The following CSMD1 variants were observed in gnomAD, a reference collection of about 807,000 sequenced individuals.
CSMD1 encodes the protein CUB and sushi domain-containing protein 1.
CSMD1 carries 213 observed loss-of-function variants against 417.5 expected under a neutral mutation model. That is an observed-to-expected ratio of 0.51 (90% CI 0.46 to 0.57). The LOEUF (loss-of-function observed/expected upper bound fraction) is 0.57, where lower values mean the gene tolerates loss of function less well. Ranked by LOEUF, CSMD1 falls within the 20% of genes least tolerant of loss-of-function variation. The pLI is 0.00. For synonymous variants in CSMD1, 2,862 were observed against 1,736.8 expected, an observed-to-expected ratio of 1.65 and a Z score of -16.11; for missense variants, 6,923 against 4,529.7, an observed-to-expected ratio of 1.53 and a Z score of -15.17.
intron 10 of CSMD1, among the ~76,000 whole-genome samples, chr8:3,543,025 G>C (rs1204823735): frequency 1.3e-5 from 2 of 152,280 alleles, no homozygotes; most frequent in East Asian, 1.9e-4. Flanking sequence ...GGCACCTGCT[G>C]TTTGTGGGTG....
intron 1 of CSMD1, among the ~76,000 whole-genome samples, chr8:4,783,087 C>A (rs552965780): frequency 6.6e-6 from 1 of 152,228 alleles, no homozygotes; most frequent in South Asian, 2.1e-4. Flanking sequence ...ATTGTAAAAT[C>A]AATTCAGTCC....
chr8:4,430,408 A>G (rs990984213), intron 2 of CSMD1, among the ~76,000 whole-genome samples: 9 of 152,168 alleles, frequency 5.9e-5, no homozygotes, highest in Non-Finnish European at 4.4e-5. Flanking sequence ...CCTCATGGTT[A>G]TGACATAGTC....
intron 3 of CSMD1, among the ~76,000 whole-genome samples, chr8:4,186,438 C>T (rs1339067732): frequency 6.6e-6 from 1 of 151,732 alleles, no homozygotes; most frequent in Non-Finnish European, 1.5e-5. Flanking sequence ...TTTACAGAGC[C>T]CAGGTTTCCA....
At chr8:3,217,356 G>A (rs1047165436) in intron 29 of CSMD1, among the ~76,000 whole-genome samples, 1 of 152,204 alleles carries the variant, frequency 6.6e-6, no homozygotes, top group Admixed American at 6.5e-5. Flanking sequence ...CAAAAATTAA[G>A]GAAGTTCTTT....
intron 10 of CSMD1, among the ~76,000 whole-genome samples, chr8:3,525,934 C>T (rs987477948): frequency 3.3e-5 from 5 of 152,154 alleles, no homozygotes; most frequent in African/African-American, 1.2e-4. Flanking sequence ...GTATTACATG[C>T]ATTGTTCTTA....
rs746270725 is a variant in CSMD1, at chr8:3,052,595, G to A, written c.7527C>T (p.Asn2509=). 8.1e-6 allele frequency: 13 copies of A among 1,611,714 alleles called. No homozygotes were observed. Among genetic ancestry groups the A allele is most frequent in the Admixed American group, 6.7e-5 (4 of 59,786 alleles). Residue 2509 remains asparagine (N), a synonymous_variant, in exon 50 of 70, where the codon AAC becomes AAT. Transcript: ENST00000635120. ...ESPGNGSFTG[N]EFTLDSKVVY... ...CCACTTTACTGTCCAAAGTGAACTC[G>A]TTCCCGGTAAATGAACCGTTTCCTG...
At chr8:3,266,542 G>A (rs1315364009) in intron 26 of CSMD1, among the ~76,000 whole-genome samples, 1 of 143,266 alleles carries the variant, frequency 7.0e-6, no homozygotes, top group East Asian at 2.2e-4. Flanking sequence ...GGAGGCAGAG[G>A]TTGCAGTGAG....
intron 41 of CSMD1, among the ~76,000 whole-genome samples, chr8:3,121,074 A>C (rs1223607555): frequency 6.9e-6 from 1 of 144,638 alleles, no homozygotes; most frequent in Non-Finnish European, 1.5e-5. Context: ...TTTACACTAC[A>C]GAAATCCAAA....
intron 2 of CSMD1, among the ~76,000 whole-genome samples, chr8:4,420,692 A>G (rs2128940149): frequency 6.6e-6 from 1 of 152,226 alleles, no homozygotes; most frequent in Admixed American, 6.5e-5. Context: ...AGTGAGTGAG[A>G]TGGTCAGGAT....
chr8:4,177,297 C>T (rs1798106050), intron 3 of CSMD1, among the ~76,000 whole-genome samples: 1 of 152,092 alleles, frequency 6.6e-6, no homozygotes, highest in Non-Finnish European at 1.5e-5. Flanking sequence ...CGCTCAACTA[C>T]ATGGAAACTG....
intron 1 of CSMD1, among the ~76,000 whole-genome samples, chr8:4,680,669 T>G (rs1805981670): frequency 6.6e-6 from 1 of 152,062 alleles, no homozygotes; most frequent in Non-Finnish European, 1.5e-5. Context: ...AACCTCTGCC[T>G]CCCAGGTTCA....
At position 4,369,600 on chromosome 8, in the gene CSMD1, T is replaced by C. The variant is rs184542296; in HGVS notation, c.415+50353A>G. On this transcript the variant is annotated intron_variant, in intron 3 of 69. Transcript: ENST00000635120. ...AGTCTGTCTGTAGATCTCTATGAAC[T>C]TGTTTTATGACTATGAGTGCTCCCA... 2.9e-4 allele frequency among the ~76,000 whole-genome samples: 44 copies of C among 152,276 alleles called. No homozygotes were observed. The East Asian group carries it at 7.9e-3, about 27-fold the overall frequency.
In CSMD1 at chr8:3,742,404, C is replaced by T. The variant is rs148321935; in HGVS notation, c.931+11526G>A. Among the ~76,000 whole-genome samples the T allele has an allele frequency of 2.1e-3, 327 of 152,278 alleles. 1 individual carries two copies. The highest frequency in any genetic ancestry group is 7.4e-3 in the African/African-American group (308 of 41,548). ...AGAACTATAAGTAAAATTGTAAACT[C>T]CTGCAGAAAGAGTCAGTAAATTTTT... On this transcript the variant is annotated intron_variant, in intron 6 of 69. Coordinates refer to ENST00000635120, the MANE Select transcript of CSMD1 (RefSeq NM_033225.6).
intron 3 of CSMD1, among the ~76,000 whole-genome samples, chr8:4,122,388 G>C (rs1019066339): frequency 6.6e-6 from 1 of 152,184 alleles, no homozygotes; most frequent in Non-Finnish European, 1.5e-5. Flanking sequence ...TTGCCAGGCT[G>C]TACACCAACA....
chr8:4,847,238 G>T (rs1183861835), intron 1 of CSMD1, among the ~76,000 whole-genome samples: 1 of 152,106 alleles, frequency 6.6e-6, no homozygotes, highest in African/African-American at 2.4e-5. Flanking sequence ...GTAATAATGC[G>T]TTTGATGATG....
chr8:3,466,580 T>G (rs1816802868), intron 12 of CSMD1, among the ~76,000 whole-genome samples: 1 of 145,096 alleles, frequency 6.9e-6, no homozygotes, highest in South Asian at 2.2e-4. Context: ...TCAGCTAATT[T>G]TTTTTTTTTT....
rs1021404187 is a variant in CSMD1, at chr8:3,982,202, A to T, written c.818+15701T>A. On this transcript the variant is annotated intron_variant, in intron 5 of 69. Transcript: ENST00000635120. ...ATAATAATAATAATATTAATAAAAA[A>T]AATAATAATAATAAACTAGTTAGAA... Among the ~76,000 whole-genome samples the T allele has an allele frequency of 7.2e-3, 770 of 107,132 alleles. 3 individuals carry two copies. Among genetic ancestry groups the T allele is most frequent in the Admixed American group, 0.012 (132 of 11,394 alleles). 70.3% of individuals were successfully genotyped at this position (107,132 alleles called of 152,430 possible).
chr8:4,610,968 A>G (rs1306121874), intron 2 of CSMD1, among the ~76,000 whole-genome samples: 1 of 152,232 alleles, frequency 6.6e-6, no homozygotes, highest in Non-Finnish European at 1.5e-5. Flanking sequence ...TTTAAAACTT[A>G]GTATCTGCAT....
chr8:3,942,794 G>A (rs1471279707), intron 5 of CSMD1, among the ~76,000 whole-genome samples: 2 of 152,092 alleles, frequency 1.3e-5, no homozygotes. Context: ...ACTGGGATAA[G>A]AAAAATATTT....
Sources: gnomAD v4.1 joint callset for allele counts (sites outside exome capture counted in the v4.1 genomes callset) on GRCh38, gnomAD v4.1.1 for gene constraint, MANE v1.5 for transcripts, NCBI Gene and HGNC (gene_info 2026-07-23, HGNC 2026-07-21) for gene names.